LRRK1: variants seen among roughly 807,000 people sequenced by gnomAD.
The protein encoded by LRRK1 is leucine rich repeat kinase 1, also known as leucine-rich repeat serine/threonine-protein kinase 1.
A neutral mutation model predicts 209.1 loss-of-function variants in LRRK1; 113 were observed. The observed-to-expected ratio is 0.54, with a 90% CI of 0.46 to 0.63. LRRK1 has a LOEUF of 0.63. LRRK1 is among the 30% of genes least tolerant of loss of function. LRRK1 has a pLI of 0.00. For synonymous variants in LRRK1, 1,144 were observed against 1,099.7 expected, an observed-to-expected ratio of 1.04 and a Z score of -0.80; for missense variants, 2,284 against 2,632.2, an observed-to-expected ratio of 0.87 and a Z score of 2.89.
chr15:101,013,699 C>A (rs1236194437), intron 10 of LRRK1, among the ~76,000 whole-genome samples: 1 of 152,198 alleles, frequency 6.6e-6, no homozygotes, highest in Non-Finnish European at 1.5e-5. Flanking sequence ...CCCTTGGTGA[C>A]TGGGTTCCCT....
chr15:101,076,153 C>G lies in LRRK1; in HGVS notation c.*7305C>G, dbSNP rs960576873. 5 of 152,186 alleles carry G rather than the reference C, an allele frequency of 3.3e-5. No homozygotes were observed. The highest frequency in any genetic ancestry group is 1.2e-4 in the African/African-American group (5 of 41,434). 9.4% of individuals were successfully genotyped at this position (152,186 alleles called of 1,614,324 possible). A position where few individuals can be genotyped will look rare whatever the true frequency, so the allele number is the denominator to read the frequency against. ...TAGACCTTCTGTCCAAACAACTTGA[C>G]CTTACTGTTTTAGCCTAGCCCTCAT... On this transcript the variant is annotated 3_prime_UTR_variant, in exon 34 of 34. Transcript: ENST00000388948.
intron 23 of LRRK1, among the ~76,000 whole-genome samples, chr15:101,050,037 C>T (rs973221880): frequency 1.3e-5 from 2 of 152,202 alleles, no homozygotes; most frequent in African/African-American, 4.8e-5. Flanking sequence ...CAGCTGCCCA[C>T]AGGCGTGGCA....
chr15:101,009,380 G>A (rs915935468), intron 7 of LRRK1, among the ~76,000 whole-genome samples: 1 of 152,180 alleles, frequency 6.6e-6, no homozygotes, highest in Non-Finnish European at 1.5e-5. Flanking sequence ...ATGCAATGGG[G>A]CTCTGAGGCA....
intron 2 of LRRK1, among the ~76,000 whole-genome samples, chr15:100,966,973 A>G (rs913869642): frequency 6.6e-6 from 1 of 152,232 alleles, no homozygotes; most frequent in African/African-American, 2.4e-5. Context: ...TGTTCCTAAC[A>G]TGGACAGAAG....
chr15:100,964,948 G>C (rs2030359535), intron 2 of LRRK1, among the ~76,000 whole-genome samples: 1 of 152,192 alleles, frequency 6.6e-6, no homozygotes, highest in Non-Finnish European at 1.5e-5. Flanking sequence ...TGGGACAGGA[G>C]TGATGACTTA....
intron 20 of LRRK1, among the ~76,000 whole-genome samples, chr15:101,029,959 A>AT (rs1357375729): frequency 6.6e-6 from 1 of 152,184 alleles, no homozygotes; most frequent in Non-Finnish European, 1.5e-5. Context: ...TGATTAAATC[A>AT]TGAGAGCAAC....
At chr15:101,023,776 A>G (rs1309146128) in intron 15 of LRRK1, among the ~76,000 whole-genome samples, 1 of 152,200 alleles carries the variant, frequency 6.6e-6, no homozygotes, top group Non-Finnish European at 1.5e-5. Flanking sequence ...CGAACTTGGA[A>G]GCTGGTCCTC....
rs2034161280 is a variant in LRRK1 at position 101,028,965 on chromosome 15, T to G, written c.2696T>G (p.Phe899Cys). Residue 899 changes from phenylalanine (F) to cysteine (C), a missense_variant, in exon 20 of 34, where the codon TTC (phenylalanine) becomes TGC (cysteine). Transcript: ENST00000388948. ...DYEDLQSAIS[F>C]LIETGTLLHF... ...TCCTTGCCTGGGGCAGCCATCAGCTTCCTCATAGAAACCGGCACCCTGCTC... is the reference window on the plus strand; with the variant it reads ...TCCTTGCCTGGGGCAGCCATCAGCTGCCTCATAGAAACCGGCACCCTGCTC... 6.2e-7 allele frequency: 1 copy of G among 1,613,748 alleles called. No individual in the cohort carries two copies. Among genetic ancestry groups the G allele is most frequent in the Non-Finnish European group, 8.5e-7 (1 of 1,179,902 alleles).
intron 6 of LRRK1, among the ~76,000 whole-genome samples, chr15:101,003,011 C>T (rs190894739): frequency 8.5e-5 from 13 of 152,364 alleles, no homozygotes; most frequent in African/African-American, 3.1e-4. Context: ...GGATTACAGG[C>T]ATGAGCCACT....
Position 101,053,324 on chromosome 15 carries a change from G to A in LRRK1, c.3958G>A (p.Val1320Met), listed in dbSNP as rs564762598. The change falls in exon 26 of 34, where the codon GTG becomes ATG. Residue 1320 changes from valine (V) to methionine (M), a missense_variant. Val to Met is a conservative substitution (Grantham distance 21, BLOSUM62 1). This residue lies in a region of LRRK1 where 780 missense variants were observed against 985.2 expected (regional missense o/e 0.79). Transcript: ENST00000388948. ...GCACGCGCTGCAGCACCCCTGCATC[G>A]TGGCGCTCATCGGCATCAGCATCCA... ...MLHALQHPCI[V>M]ALIGISIHPL... 1.2e-5 allele frequency: 20 copies of A among 1,604,880 alleles called. No homozygotes were observed. The African/African-American group carries it at 1.3e-4, about 11-fold the overall frequency.
chr15:101,041,780 A>G (rs1414931044), intron 20 of LRRK1, among the ~76,000 whole-genome samples: 1 of 152,196 alleles, frequency 6.6e-6, no homozygotes, highest in Non-Finnish European at 1.5e-5. Flanking sequence ...TGAGCCCTAC[A>G]TATACTATGC....
At chr15:101,052,595 C>T (rs1407283351) in intron 24 of LRRK1, among the ~76,000 whole-genome samples, 1 of 152,214 alleles carries the variant, frequency 6.6e-6, no homozygotes, top group East Asian at 1.9e-4. Context: ...AAATAGGAAA[C>T]GTCACCTTTC....
At chr15:101,066,356 T>G in intron 32 of LRRK1, 151 bp downstream of exon 32, 1 of 1,140,752 alleles carries the variant, frequency 8.8e-7, no homozygotes, top group Non-Finnish European at 1.2e-6. Flanking sequence ...CCATTGGGAA[T>G]GGAAGCGATC....
chr15:100,962,817 ATATATATTT>A (rs1224038131), intron 2 of LRRK1, among the ~76,000 whole-genome samples: 2 of 21,200 alleles, frequency 9.4e-5, no homozygotes, highest in African/African-American at 3.1e-4. Context: ...ATATATATAT[ATATATATTT>A]TTTTTTTTTT....
At chr15:101,021,590 T>C (rs978092690) in intron 13 of LRRK1, 4 of 534,056 alleles carry the variant, frequency 7.5e-6, no homozygotes, top group Non-Finnish European at 1.3e-5. Flanking sequence ...ATGTACTTAG[T>C]AGCAGAGACA....
intron 6 of LRRK1, among the ~76,000 whole-genome samples, chr15:100,996,493 C>T (rs1024782926): frequency 6.6e-5 from 10 of 152,236 alleles, no homozygotes; most frequent in African/African-American, 2.4e-4. Context: ...AGCATCCTTC[C>T]ACCAGTTCCA....
intron 2 of LRRK1, among the ~76,000 whole-genome samples, chr15:100,955,729 G>T (rs1230525020): frequency 6.6e-6 from 1 of 151,772 alleles, no homozygotes; most frequent in Non-Finnish European, 1.5e-5. Context: ...GTTTTTTTCT[G>T]CATTTATTGA....
intron 30 of LRRK1, among the ~76,000 whole-genome samples, chr15:101,061,807 G>A (rs2036198620): frequency 1.3e-5 from 2 of 152,166 alleles, no homozygotes; most frequent in East Asian, 1.9e-4. Context: ...TCAAGAGATT[G>A]AGACCATCCT....
At position 101,029,078 on chromosome 15, in the gene LRRK1, A is replaced by G; in HGVS notation, c.2809A>G (p.Ile937Val). The G allele has an allele frequency of 6.2e-7, 1 of 1,614,188 alleles. No homozygotes were observed. Among genetic ancestry groups the G allele is most frequent in the Non-Finnish European group, 8.5e-7 (1 of 1,180,038 alleles). ...LSECLQRIFN[I>V]KGSRSVAKNG... The stretch of plus-strand genomic sequence containing the variant: ...CGAATGTCTGCAGAGGATCTTTAAT[A>G]TTAAGGGCTCTCGGTCAGTGGCCAA... Residue 937 changes from isoleucine to valine, a missense_variant, in exon 20 of 34, where the codon ATT (isoleucine) becomes GTT (valine). Around this residue, in one of 6 missense-constraint regions of LRRK1, gnomAD observed 780 missense variants for 985.2 expected, o/e 0.79. Transcript: ENST00000388948.
Sources: gnomAD v4.1 joint callset for allele counts (sites outside exome capture counted in the v4.1 genomes callset) on GRCh38, gnomAD v4.1.1 for gene constraint, gnomAD v4.1.1 regional missense constraint, MANE v1.5 for transcripts, NCBI Gene and HGNC (gene_info 2026-07-23, HGNC 2026-07-21) for gene names.